Variants in COL4A3 observed in about 807,000 individuals in gnomAD.
COL4A3 encodes the protein collagen type IV alpha 3 chain.
A neutral mutation model predicts 217.4 loss-of-function variants in COL4A3; 135 were observed. The ratio of observed to expected loss-of-function variants is 0.62; its 90% CI spans 0.54 to 0.72. The LOEUF (loss-of-function observed/expected upper bound fraction) is 0.72, where lower values mean the gene tolerates loss of function less well. COL4A3 is among the 30% of genes least tolerant of loss of function. The pLI is 0.00. For missense variants in COL4A3, 1,868 were observed against 2,119.9 expected, an observed-to-expected ratio of 0.88 and a Z score of 2.33; for synonymous variants, 690 against 736.3, an observed-to-expected ratio of 0.94 and a Z score of 1.02.
intron 1 of COL4A3, among the ~76,000 whole-genome samples, chr2:227,183,382 G>T (rs951243215): frequency 6.6e-6 from 1 of 152,124 alleles, no homozygotes; most frequent in Non-Finnish European, 1.5e-5. Context: ...TTAGAAAAAA[G>T]AAATGGTGCT....
chr2:227,226,628 C>T lies in COL4A3; in HGVS notation c.88-11340C>T, dbSNP rs906315807. 5.3e-5 allele frequency among the ~76,000 whole-genome samples: 8 copies of T among 152,136 alleles called. 1 individual carries two copies. The highest frequency in any genetic ancestry group is 1.9e-4 in the East Asian group (1 of 5,192). ...GGGATTATAGGCACTCAACATCATG[C>T]CAAACTAATTTTTGTATTTTTAGTA... On this transcript the variant is annotated intron_variant, in intron 1 of 51. Transcript: ENST00000396578.
chr2:227,278,125 CT>C (rs34342727), intron 28 of COL4A3, among the ~76,000 whole-genome samples: 4 of 150,076 alleles, frequency 2.7e-5, no homozygotes, highest in Admixed American at 1.3e-4. Flanking sequence ...GTATACATTT[CT>C]TTTTTTTTTA....
chr2:227,182,066 A>G (rs2065882884), intron 1 of COL4A3, among the ~76,000 whole-genome samples: 1 of 152,194 alleles, frequency 6.6e-6, no homozygotes, highest in South Asian at 2.1e-4. Context: ...AATTTCCCCC[A>G]AATAGCCAAT....
chr2:227,201,071 A>G (rs1173444573), intron 1 of COL4A3, among the ~76,000 whole-genome samples: 3 of 151,926 alleles, frequency 2.0e-5, no homozygotes, highest in Non-Finnish European at 4.4e-5. Context: ...TATCTTTAAA[A>G]AGTTTTGTGT....
At chr2:227,307,614 G>A (rs970850460) in intron 47 of COL4A3, 96 bp from the exon 48 acceptor site, 38 of 1,039,988 alleles carry the variant, frequency 3.7e-5, no homozygotes, top group Middle Eastern at 4.5e-4. Context: ...CAATTTATGG[G>A]CTCAACATAT....
At chr2:227,296,646 C>A in intron 41 of COL4A3, 1 of 301,190 alleles carries the variant, frequency 3.3e-6, no homozygotes, top group Non-Finnish European at 4.9e-6. Context: ...TACTTCAGGT[C>A]ATTGCCATGC....
chr2:227,253,628 A>C lies in COL4A3; in HGVS notation c.755A>C (p.Asp252Ala). ...GTTATTGTGACCCTAACTGGCCCAGATAACAGAACGGTAACTCTGCGATTT... is the reference window on the plus strand; with the variant it reads ...GTTATTGTGACCCTAACTGGCCCAGCTAACAGAACGGTAACTCTGCGATTT... ...GTVIVTLTGP[D>A]NRTDLKGEKG... Residue 252 changes from aspartate to alanine, a missense_variant, in exon 13 of 52, where the codon GAT becomes GCT. Asp to Ala is a moderately radical substitution (Grantham distance 126). Transcript: ENST00000396578. The surrounding 1 kb of genome is among the most constrained non-coding windows in gnomAD (Gnocchi z 4.4). The C allele has an allele frequency of 1.2e-6, 2 of 1,613,982 alleles. No homozygotes were observed. Among genetic ancestry groups the C allele is most frequent in the Non-Finnish European group, 1.7e-6 (2 of 1,179,864 alleles).
rs60244094 is a variant in COL4A3 at position 227,208,765 on chromosome 2, TACACACACACACAC to T, written c.88-29175_88-29162del. Among the ~76,000 whole-genome samples the T allele has an allele frequency of 7.6e-3, 1,051 of 138,596 alleles. 16 individuals are homozygous for T. The highest frequency in any genetic ancestry group is 0.025 in the African/African-American group (936 of 37,154). The allele number at this position is 138,596 out of a possible 152,430, so 90.9% of individuals were successfully genotyped here. A position where few individuals can be genotyped will look rare whatever the true frequency, so the allele number is the denominator to read the frequency against. ...AAGGTGAACCCATTAGGCGGTTGGT[TACACACACACACAC>T]ACACACACACACACACACACACACA... On this transcript the variant is annotated intron_variant, in intron 1 of 51. Transcript: ENST00000396578.
intron 3 of COL4A3, among the ~76,000 whole-genome samples, chr2:227,243,061 C>T (rs2069120191): frequency 6.6e-6 from 1 of 152,178 alleles, no homozygotes; most frequent in Admixed American, 6.5e-5. Context: ...TTAGATCAGC[C>T]TAATGCCAAT....
chr2:227,308,844 T>A, intron 48 of COL4A3, 55 bp from the exon 49 acceptor site: 1 of 1,557,024 alleles, frequency 6.4e-7, no homozygotes, highest in Non-Finnish European at 8.8e-7. Context: ...CTAGTAACGA[T>A]GCTGAAAATA....
rs1559866312 is a variant in COL4A3, at chr2:227,250,381, TA to T, written c.547-758del. On this transcript the variant is annotated intron_variant, in intron 9 of 51. Coordinates refer to ENST00000396578, the MANE Select transcript of COL4A3 (RefSeq NM_000091.5). The surrounding 1 kb of genome is among the most constrained non-coding windows in gnomAD (Gnocchi z 4.1). The stretch of plus-strand genomic sequence containing the variant: ...ATAGATAGATAGATAGATAGATAGA[TA>T]GATATTTAAAAATTGTATGAACCAG... Among the ~76,000 whole-genome samples the T allele has an allele frequency of 2.1e-4, 31 of 149,036 alleles. No homozygotes were observed. Among genetic ancestry groups the T allele is most frequent in the Non-Finnish European group, 4.0e-4 (27 of 66,992 alleles).
chr2:227,233,112 C>T (rs1040234089), intron 1 of COL4A3, among the ~76,000 whole-genome samples: 1 of 152,158 alleles, frequency 6.6e-6, no homozygotes, highest in Non-Finnish European at 1.5e-5. Context: ...CTCCTGGGTT[C>T]AAGCAATTCT....
Position 227,245,839 on chromosome 2 carries a change from C to T in COL4A3, c.325-115C>T, listed in dbSNP as rs905066534. The T allele has an allele frequency of 2.2e-5, 18 of 824,480 alleles. No individual in the cohort carries two copies. In the Admixed American group the frequency reaches 2.5e-4, roughly 11 times the overall value. The allele number at this position is 824,480 out of a possible 1,614,324, so 51.1% of individuals were successfully genotyped here. ...ACCACAATGTACATTTACTACTTAA[C>T]CATTTAAACAATCATTTATATTTCA... On this transcript the variant is annotated intron_variant, in intron 5 of 51. Transcript: ENST00000396578.
chr2:227,193,514 C>T (rs1428357585), intron 1 of COL4A3, among the ~76,000 whole-genome samples: 1 of 152,058 alleles, frequency 6.6e-6, no homozygotes, highest in Admixed American at 6.6e-5. Flanking sequence ...GAGTTGGAGA[C>T]CATCCTGGCC....
At chr2:227,233,496 A>G (rs1425085167) in intron 1 of COL4A3, among the ~76,000 whole-genome samples, 10 of 152,176 alleles carry the variant, frequency 6.6e-5, no homozygotes, top group Admixed American at 1.3e-4. Context: ...ATATATTTGA[A>G]GTTAACTAGT....
At position 227,250,637 on chromosome 2, in the gene COL4A3, A is replaced by C. The variant is rs1027182454; in HGVS notation, c.547-503A>C. ...ATGCTAAAAGTAAAAATAATGCACG[A>C]AAGCAGGATAGGAAGTGTCTGGGTT... On this transcript the variant is annotated intron_variant, in intron 9 of 51. Transcript: ENST00000396578. The surrounding 1 kb of genome is among the most constrained non-coding windows in gnomAD (Gnocchi z 4.1). Among the ~76,000 whole-genome samples, 1 of 152,234 alleles carries C rather than the reference A, an allele frequency of 6.6e-6. No homozygotes were observed. Among genetic ancestry groups the C allele is most frequent in the African/African-American group, 2.4e-5 (1 of 41,466 alleles).
chr2:227,276,167 G>C (rs1306041416), intron 26 of COL4A3, among the ~76,000 whole-genome samples: 1 of 152,194 alleles, frequency 6.6e-6, no homozygotes, highest in Non-Finnish European at 1.5e-5. Flanking sequence ...TTAAAACAAA[G>C]TTTAGACGAT....
intron 1 of COL4A3, among the ~76,000 whole-genome samples, chr2:227,208,936 T>C (rs1224344295): frequency 1.3e-5 from 2 of 152,146 alleles, no homozygotes; most frequent in African/African-American, 2.4e-5. Flanking sequence ...AAAGTTTTCA[T>C]GGAATTTTTA....
rs1308738517 is a variant in COL4A3, at chr2:227,240,163, A to AC, written c.171dup (p.Gly58ArgfsTer12). 1.9e-6 allele frequency: 3 copies of AC among 1,609,812 alleles called. No individual in the cohort carries two copies. Among genetic ancestry groups the AC allele is most frequent in the East Asian group, 2.2e-5 (1 of 44,778 alleles). ...AACAGGGGGAGAAGGGCTTTCCTGG[A>AC]CCCCCCGGTTCTCCTGGCCAGAAAG... On this transcript the variant is annotated frameshift_variant, in exon 3 of 52. Coordinates refer to ENST00000396578, the MANE Select transcript of COL4A3 (RefSeq NM_000091.5). LOFTEE classifies it high-confidence loss of function.
Sources: allele counts gnomAD v4.1 joint callset (sites outside exome capture counted in the v4.1 genomes callset), GRCh38; gene constraint gnomAD v4.1.1; non-coding constraint Gnocchi (gnomAD v3.1); transcripts MANE v1.5; gene names NCBI Gene and HGNC (gene_info 2026-07-23, HGNC 2026-07-21).